Variants in MAP2K5 observed in about 807,000 individuals in gnomAD.
The protein encoded by MAP2K5 is mitogen-activated protein kinase kinase 5.
MAP2K5 carries 49 observed loss-of-function variants against 83.1 expected under a neutral mutation model. The ratio of observed to expected loss-of-function variants is 0.59; its 90% CI spans 0.47 to 0.75. The LOEUF (loss-of-function observed/expected upper bound fraction) is 0.75, where lower values mean the gene tolerates loss of function less well. Among genes scored for constraint, MAP2K5 ranks in the 30% least tolerant of loss-of-function variants. The pLI, the probability that MAP2K5 is intolerant of heterozygous loss-of-function variation, is 0.00. For synonymous variants in MAP2K5, 202 were observed against 191.8 expected, an observed-to-expected ratio of 1.05 and a Z score of -0.44; for missense variants, 457 against 557.5, an observed-to-expected ratio of 0.82 and a Z score of 1.82.
chr15:67,688,181 A>G (rs1461897189), intron 13 of MAP2K5, among the ~76,000 whole-genome samples: 2 of 152,250 alleles, frequency 1.3e-5, no homozygotes, highest in Admixed American at 6.5e-5. Flanking sequence ...CAGGTAGGCC[A>G]GTGAGCTGAA....
intron 2 of MAP2K5, among the ~76,000 whole-genome samples, chr15:67,554,136 T>C (rs1036952128): frequency 3.3e-5 from 5 of 152,136 alleles, no homozygotes; most frequent in Non-Finnish European, 7.4e-5. Context: ...CTCAGCTCAC[T>C]GCAACCTCTG....
intron 6 of MAP2K5, among the ~76,000 whole-genome samples, chr15:67,589,882 A>AAT (rs2141008862): frequency 6.6e-6 from 1 of 152,178 alleles, no homozygotes; most frequent in Admixed American, 6.5e-5. Flanking sequence ...TATCCTTTAT[A>AAT]AATTAGGGAT....
At chr15:67,788,746 G>A (rs999346578) in intron 21 of MAP2K5, among the ~76,000 whole-genome samples, 1 of 152,122 alleles carries the variant, frequency 6.6e-6, no homozygotes. Flanking sequence ...GGCTGAGGCA[G>A]GAGGATCACT....
At position 67,780,271 on chromosome 15, in the gene MAP2K5, CT is replaced by C. The variant is rs67575262; in HGVS notation, c.1242+7533del. Among the ~76,000 whole-genome samples the C allele has an allele frequency of 0.56, 83,014 of 148,556 alleles. 23,904 individuals carry two copies. Among genetic ancestry groups the C allele is most frequent in the East Asian group, 0.85 (4,312 of 5,100 alleles). The stretch of plus-strand genomic sequence containing the variant: ...AGAAGCTCTGGCCAGGGAGCAGATA[CT>C]TTTTTTTTTTTTTAACCTTTAAAGT... On this transcript the variant is annotated intron_variant, in intron 21 of 21. Coordinates refer to ENST00000178640, the MANE Select transcript of MAP2K5 (RefSeq NM_145160.3). This position sits in a 1 kb window ranked among gnomAD's most constrained non-coding sequence, Gnocchi z 5.0.
In MAP2K5 at chr15:67,587,834, A is replaced by G. The variant is rs1478792061; in HGVS notation, c.431+921A>G. Among the ~76,000 whole-genome samples the G allele has an allele frequency of 2.0e-5, 3 of 152,010 alleles. No individual in the cohort carries two copies. Among genetic ancestry groups the G allele is most frequent in the Non-Finnish European group, 4.4e-5 (3 of 67,972 alleles). ...TGTCAGTCCTCCTTCACTGCTTCCT[A>G]GGCCTCCCTCAGTGCCACACCCTGT... is the stretch of plus-strand genomic sequence containing the variant. On this transcript the variant is annotated intron_variant, in intron 6 of 21. Transcript: ENST00000178640. The surrounding 1 kb of genome is among the most constrained non-coding windows in gnomAD (Gnocchi z 4.8).
chr15:67,799,449 AC>A (rs1359569697), intron 21 of MAP2K5, among the ~76,000 whole-genome samples: 1 of 152,162 alleles, frequency 6.6e-6, no homozygotes, highest in Non-Finnish European at 1.5e-5. Context: ...CTTACAACCC[AC>A]TCCGGGAGGA....
In MAP2K5 at chr15:67,638,059, T is replaced by A. The variant is rs1018184355; in HGVS notation, c.585+7132T>A. On this transcript the variant is annotated intron_variant, in intron 9 of 21. Transcript: ENST00000178640. The surrounding 1 kb of genome is among the most constrained non-coding windows in gnomAD (Gnocchi z 4.5). ...TAAAAATTAAAAAAGTTAATTTTTT[T>A]AACTTTTAATTTAACTTTTTTAATT... 2.1e-4 allele frequency among the ~76,000 whole-genome samples: 32 copies of A among 152,228 alleles called. No homozygotes were observed. Among genetic ancestry groups the A allele is most frequent in the African/African-American group, 7.7e-4 (32 of 41,538 alleles).
Position 67,635,086 on chromosome 15 carries a change from A to G in MAP2K5, c.585+4159A>G, listed in dbSNP as rs190876278. Among the ~76,000 whole-genome samples the G allele has an allele frequency of 4.5e-3, 675 of 151,512 alleles. 3 individuals are homozygous for G. Among genetic ancestry groups the G allele is most frequent in the African/African-American group, 0.013 (529 of 41,290 alleles). Reference sequence around the variant, plus strand: ...ACAAATCTTACAGTGGTGTATTTTCATTTCCCTCATCCCAGCCTTTGTTTT... The same window carrying G: ...ACAAATCTTACAGTGGTGTATTTTCGTTTCCCTCATCCCAGCCTTTGTTTT... On this transcript the variant is annotated intron_variant, in intron 9 of 21. Coordinates refer to ENST00000178640, the MANE Select transcript of MAP2K5 (RefSeq NM_145160.3).
intron 16 of MAP2K5, among the ~76,000 whole-genome samples, chr15:67,726,499 A>G (rs1332206019): frequency 6.6e-6 from 1 of 152,246 alleles, no homozygotes; most frequent in Non-Finnish European, 1.5e-5. Flanking sequence ...TGAAATAGGT[A>G]TTCTGTTAAT....
rs16950986 is a variant in MAP2K5, at chr15:67,550,667, G to A, written c.184+585G>A. ...GACATCATGGAATGAGTCATGCTACGATGAGATAGTCAGTAGCATAAGGGC... is the reference window on the plus strand; with the variant it reads ...GACATCATGGAATGAGTCATGCTACAATGAGATAGTCAGTAGCATAAGGGC... On this transcript the variant is annotated intron_variant, in intron 2 of 21. Transcript: ENST00000178640. Among the ~76,000 whole-genome samples the A allele has an allele frequency of 2.9e-3, 443 of 151,862 alleles. 4 individuals carry two copies. Among genetic ancestry groups the A allele is most frequent in the African/African-American group, 9.9e-3 (410 of 41,436 alleles).
chr15:67,721,982 AAACT>A (rs758231627), intron 16 of MAP2K5, among the ~76,000 whole-genome samples: 35 of 152,226 alleles, frequency 2.3e-4, no homozygotes, highest in Non-Finnish European at 4.0e-4. Context: ...ATAATAAAAC[AAACT>A]AATTGTCTTT....
intron 21 of MAP2K5, among the ~76,000 whole-genome samples, chr15:67,800,812 C>T (rs1381779120): frequency 1.3e-5 from 2 of 152,070 alleles, no homozygotes; most frequent in African/African-American, 2.4e-5. Context: ...CGTCTTTTTT[C>T]AAATGACCAG....
intron 5 of MAP2K5, 60 bp from the exon 6 acceptor site, chr15:67,586,786 G>C: frequency 2.7e-6 from 4 of 1,498,380 alleles, no homozygotes; most frequent in Non-Finnish European, 3.7e-6. Flanking sequence ...CAAATTATAG[G>C]TTAATTAGAA....
intron 13 of MAP2K5, among the ~76,000 whole-genome samples, chr15:67,683,412 A>G (rs1309214706): frequency 1.3e-5 from 2 of 152,224 alleles, no homozygotes; most frequent in Non-Finnish European, 2.9e-5. Flanking sequence ...AAAGGATTCA[A>G]GGTGGTTTAT....
intron 7 of MAP2K5, among the ~76,000 whole-genome samples, chr15:67,595,357 A>G (rs1320441494): frequency 6.6e-6 from 1 of 152,192 alleles, no homozygotes; most frequent in African/African-American, 2.4e-5. Flanking sequence ...ATAAAGTGGG[A>G]TTTACTAAAT....
At chr15:67,670,336 A>G in intron 13 of MAP2K5, 1 of 450,134 alleles carries the variant, frequency 2.2e-6, no homozygotes, top group Non-Finnish European at 4.5e-6. Flanking sequence ...TTGACTGTAA[A>G]GGCATGAAGG....
intron 13 of MAP2K5, among the ~76,000 whole-genome samples, chr15:67,666,012 G>C (rs1191198400): frequency 6.6e-6 from 1 of 152,158 alleles, no homozygotes; most frequent in Non-Finnish European, 1.5e-5. Context: ...CCAATGGTCA[G>C]TTCTCAAAAT....
At chr15:67,553,666 C>CGTG (rs2084558416) in intron 2 of MAP2K5, among the ~76,000 whole-genome samples, 3 of 152,000 alleles carry the variant, frequency 2.0e-5, no homozygotes, top group Non-Finnish European at 4.4e-5. Context: ...GTAATCCCAG[C>CGTG]ACTTTGGGAG....
chr15:67,587,177 C>T lies in MAP2K5; in HGVS notation c.431+264C>T, dbSNP rs928017529. 2.0e-5 allele frequency among the ~76,000 whole-genome samples: 3 copies of T among 151,844 alleles called. No individual in the cohort carries two copies. The highest frequency in any genetic ancestry group is 1.3e-4 in the Admixed American group (2 of 15,250). On this transcript the variant is annotated intron_variant, in intron 6 of 21. Coordinates refer to ENST00000178640, the MANE Select transcript of MAP2K5 (RefSeq NM_145160.3). The surrounding 1 kb of genome is among the most constrained non-coding windows in gnomAD (Gnocchi z 4.8). ...CGGAGGGAAGAGGGTAGGTGAAGGC[C>T]CTGAGGTGGAGAAGGAGCTCAGCAT...
Sources: gnomAD v4.1 joint callset for allele counts (sites outside exome capture counted in the v4.1 genomes callset) on GRCh38, gnomAD v4.1.1 for gene constraint, Gnocchi (gnomAD v3.1) non-coding constraint, MANE v1.5 for transcripts, NCBI Gene and HGNC (gene_info 2026-07-23, HGNC 2026-07-21) for gene names.